Variants in NOTCH3 observed in about 807,000 individuals in gnomAD.
NOTCH3 encodes notch receptor 3.
A neutral mutation model predicts 213.3 loss-of-function variants in NOTCH3; 86 were observed. That is an observed-to-expected ratio of 0.40 (90% confidence interval 0.34 to 0.48). NOTCH3 has a LOEUF of 0.48. NOTCH3 is among the 20% of genes least tolerant of loss of function. The pLI, the probability that NOTCH3 is intolerant of heterozygous loss-of-function variation, is 0.57. For synonymous variants in NOTCH3, 1,354 were observed against 1,355.9 expected (o/e 1.00, Z 0.03); for missense variants, 2,783 against 3,272.6 (o/e 0.85, Z 3.65).
chr19:15,165,836 C>A lies in NOTCH3; in HGVS notation c.5618G>T (p.Arg1873Leu), dbSNP rs780169747. 1 of 1,613,720 alleles carries A rather than the reference C, an allele frequency of 6.2e-7. No homozygotes were observed. Among genetic ancestry groups the A allele is most frequent in the Non-Finnish European group, 8.5e-7 (1 of 1,180,012 alleles). Residue 1873 changes from arginine (R) to leucine (L), a missense_variant, in exon 30 of 33, where the codon CGC (arginine) becomes CTC (leucine). By Grantham distance (102) the Arg-to-Leu change is moderately radical (BLOSUM62 -2). Coordinates refer to ENST00000263388, the MANE Select transcript of NOTCH3 (RefSeq NM_000435.3). This position sits in a 1 kb window ranked among gnomAD's most constrained non-coding sequence, Gnocchi z 4.7. ...ADTNAQDHSG[R>L]TPLHTAVTAD... ...TGTGACAGCTGTGTGCAGGGGAGTGCGGCCTGAGTGGTCCTGGGCATTGGT... is the reference window on the plus strand; with the variant it reads ...TGTGACAGCTGTGTGCAGGGGAGTGAGGCCTGAGTGGTCCTGGGCATTGGT...
intron 2 of NOTCH3, 60 bp downstream of exon 2, chr19:15,197,440 C>CGGGGGGG: frequency 2.4e-5 from 19 of 800,690 alleles, no homozygotes; most frequent in Non-Finnish European, 3.9e-5. Context: ...GAAGACAAAT[C>CGGGGGGG]GCCCCTCCCC....
intron 2 of NOTCH3, 40 bp downstream of exon 2, chr19:15,197,454 GCCCCCA>G: frequency 2.1e-6 from 1 of 476,654 alleles, no homozygotes; most frequent in Non-Finnish European, 4.0e-6. Context: ...CCTCCCCCCC[GCCCCCA>G]CACACAGGGC....
chr19:15,167,083 T>C (rs1451711122), intron 29 of NOTCH3, among the ~76,000 whole-genome samples, 166 bp downstream of exon 29: 1 of 152,256 alleles, frequency 6.6e-6, no homozygotes, highest in African/African-American at 2.4e-5. Flanking sequence ...TAAGCTAGTC[T>C]GAGTTGGACC....
In NOTCH3 at chr19:15,161,034, T is replaced by C; in HGVS notation, c.6594A>G (p.Pro2198=). The part of the protein sequence containing the change: ...PLAPGPQLLN[P]GTPVSPQERP... ...GCTCCTGCGGGGAGACGGGGGTCCC[T>C]GGGTTGAGCAGCTGGGGTCCCGGCG... Residue 2198 remains proline (P), a synonymous_variant, in exon 33 of 33, where the codon CCA becomes CCG. Coordinates refer to ENST00000263388, the MANE Select transcript of NOTCH3 (RefSeq NM_000435.3). The C allele has an allele frequency of 6.5e-7, 1 of 1,536,348 alleles. No individual in the cohort carries two copies. Among genetic ancestry groups the C allele is most frequent in the Non-Finnish European group, 8.7e-7 (1 of 1,143,174 alleles).
chr19:15,167,487 G>A, intron 28 of NOTCH3, 76 bp from the exon 29 acceptor site: 1 of 1,403,436 alleles, frequency 7.1e-7, no homozygotes, highest in Non-Finnish European at 9.9e-7. Flanking sequence ...GATGGGGCTG[G>A]GCATTCCTAC....
At chr19:15,194,965 A>G (rs2046958194) in intron 2 of NOTCH3, among the ~76,000 whole-genome samples, 1 of 151,782 alleles carries the variant, frequency 6.6e-6, no homozygotes, top group Non-Finnish European at 1.5e-5. Flanking sequence ...CTCAAAAAAA[A>G]AAAAAAAAAG....
At position 15,185,269 on chromosome 19, in the gene NOTCH3, G is replaced by C. The variant is rs772155427; in HGVS notation, c.2284C>G (p.Pro762Ala). 1 of 1,613,188 alleles carries C rather than the reference G, an allele frequency of 6.2e-7. No homozygotes were observed. The highest frequency in any genetic ancestry group is 1.1e-5 in the South Asian group (1 of 91,088). The change falls in exon 14 of 33, where the codon CCT (proline) becomes GCT (alanine). Residue 762 changes from proline to alanine, a missense_variant. Coordinates refer to ENST00000263388, the MANE Select transcript of NOTCH3 (RefSeq NM_000435.3). This position sits in a 1 kb window ranked among gnomAD's most constrained non-coding sequence, Gnocchi z 4.2. ...GTGAGGTACACACCCTGGACACCAG[G>C]CGGGCAGGTGCAGTGGAAACCCATT... ...DGMGFHCTCP[P>A]GVQGRQCELL...
At position 15,192,040 on chromosome 19, in the gene NOTCH3, G is replaced by A; in HGVS notation, c.599C>T (p.Pro200Leu). The stretch of plus-strand genomic sequence containing the variant: ...GTTACGGCATGGTGAGGGTGCACAG[G>A]GCACCGCGGGGTTCTCACATAGTGG... Reference protein sequence around the residue: ...TGPLCENPAVPCAPSPCRNGG... With the variant: ...TGPLCENPAVLCAPSPCRNGG... The change falls in exon 4 of 33, where the codon CCC (proline) becomes CTC (leucine). Residue 200 changes from proline to leucine, a missense_variant. Pro to Leu is a moderately conservative substitution (Grantham distance 98). Transcript: ENST00000263388. 1 of 1,613,114 alleles carries A rather than the reference G, an allele frequency of 6.2e-7. No homozygotes were observed.
In NOTCH3 at chr19:15,159,782, C is replaced by T. The variant is rs957218011; in HGVS notation, c.*880G>A. The T allele has an allele frequency of 2.1e-5, 5 of 233,390 alleles. No individual in the cohort carries two copies. The highest frequency in any genetic ancestry group is 4.2e-5 in the Non-Finnish European group (5 of 118,012). 14.5% of individuals were successfully genotyped at this position (233,390 alleles called of 1,614,324 possible). A position where few individuals can be genotyped will look rare whatever the true frequency, so the allele number is the denominator to read the frequency against. On this transcript the variant is annotated 3_prime_UTR_variant, in exon 33 of 33. Coordinates refer to ENST00000263388, the MANE Select transcript of NOTCH3 (RefSeq NM_000435.3). ...CCTCTATTCTGCCATGAGGCTGGGC[C>T]AGAGGATTACCAGGAAGAGAAAGTA...
intron 17 of NOTCH3, 134 bp downstream of exon 17, chr19:15,181,442 C>T: frequency 1.3e-6 from 1 of 760,532 alleles, no homozygotes. Context: ...TGGCCCTGCC[C>T]CATCAGTCAT....
rs2046870898 is a variant in NOTCH3, at chr19:15,185,175, G to A, written c.2296+82C>T. On this transcript the variant is annotated intron_variant, in intron 14 of 32. Transcript: ENST00000263388. This position sits in a 1 kb window ranked among gnomAD's most constrained non-coding sequence, Gnocchi z 4.2. The stretch of plus-strand genomic sequence containing the variant: ...TGAAAGCAAAAAAGAAGCTAACATA[G>A]CGGGAGGAGAGAGTAGAGGAGAAGA... The A allele has an allele frequency of 9.1e-6, 14 of 1,544,498 alleles. No homozygotes were observed. Among genetic ancestry groups the A allele is most frequent in the Non-Finnish European group, 1.2e-5 (13 of 1,120,672 alleles).
Position 15,159,555 on chromosome 19 carries a change from CAAGTTAGCCCT to C in NOTCH3, c.*1096_*1106del, listed in dbSNP as rs1310460152. On this transcript the variant is annotated 3_prime_UTR_variant, in exon 33 of 33. Coordinates refer to ENST00000263388, the MANE Select transcript of NOTCH3 (RefSeq NM_000435.3). ...ATGTATTTACCCCAAGATGGGAGCTCAAGTTAGCCCTGGGTGGGGGAGATAGAAGTCCCACT... is the reference window on the plus strand; with the variant it reads ...ATGTATTTACCCCAAGATGGGAGCTCGGGTGGGGGAGATAGAAGTCCCACT... The C allele has an allele frequency of 4.7e-6, 1 of 214,266 alleles. No individual in the cohort carries two copies. The highest frequency in any genetic ancestry group is 9.4e-6 in the Non-Finnish European group (1 of 106,142). The allele number at this position is 214,266 out of a possible 1,614,324, so 13.3% of individuals were successfully genotyped here.
rs760917811 is a variant in NOTCH3 at position 15,161,426 on chromosome 19, CG to C, written c.6201del (p.Lys2069ArgfsTer16). On this transcript the variant is annotated frameshift_variant, in exon 33 of 33. Transcript: ENST00000263388. LOFTEE classifies it low-confidence loss of function (END_TRUNC). ...CCCTGCGGCCCCAGCCCCGCCTTCC[CG>C]GGGGGCCTCCTGCTCTTCTTGGACC... ...QSGSKKSRRP[P>X]GKAGLGPQGP... 2 of 1,533,974 alleles carry C rather than the reference CG, an allele frequency of 1.3e-6. No individual in the cohort carries two copies. Among genetic ancestry groups the C allele is most frequent in the South Asian group, 1.2e-5 (1 of 83,136 alleles).
chr19:15,160,394 G>A lies in NOTCH3; in HGVS notation c.*268C>T. 1 of 513,830 alleles carries A rather than the reference G, an allele frequency of 1.9e-6. No homozygotes were observed. Among genetic ancestry groups the A allele is most frequent in the South Asian group, 2.6e-5 (1 of 38,932 alleles). The allele number at this position is 513,830 out of a possible 1,614,324, so 31.8% of individuals were successfully genotyped here. A position where few individuals can be genotyped will look rare whatever the true frequency, so the allele number is the denominator to read the frequency against. ...AGGCCAGAAGGAGAGAGAAAGGAAT[G>A]AGGGAAGAGAGAAGTGGGGAAGAAG... On this transcript the variant is annotated 3_prime_UTR_variant, in exon 33 of 33. Transcript: ENST00000263388.
intron 9 of NOTCH3, 37 bp downstream of exon 9, chr19:15,188,198 A>C: frequency 1.3e-6 from 2 of 1,485,550 alleles, no homozygotes; most frequent in Non-Finnish European, 1.8e-6. Flanking sequence ...CCCTTCCCAG[A>C]CATGTCTTTT....
rs770737365 is a variant in NOTCH3, at chr19:15,185,580, G to A, written c.2051C>T (p.Pro684Leu). 3.2e-5 allele frequency: 51 copies of A among 1,613,562 alleles called. No homozygotes were observed. The highest frequency in any genetic ancestry group is 2.0e-4 in the East Asian group (9 of 44,898). ...DGENGFRCLC[P>L]PGSLPPLCLP... ...GCAGAGTGGGGGCAAGGAGCCAGGC[G>A]GGCAGAGGCAGCGGAAGCCATTTTC... The change falls in exon 13 of 33, where the codon CCG (proline) becomes CTG (leucine). Residue 684 changes from proline to leucine, a missense_variant. Coordinates refer to ENST00000263388, the MANE Select transcript of NOTCH3 (RefSeq NM_000435.3). This position sits in a 1 kb window ranked among gnomAD's most constrained non-coding sequence, Gnocchi z 4.2.
Position 15,161,316 on chromosome 19 carries a change from C to G in NOTCH3, c.6312G>C (p.Ser2104=). 3 of 1,527,078 alleles carry G rather than the reference C, an allele frequency of 2.0e-6. No homozygotes were observed. The highest frequency in any genetic ancestry group is 2.5e-5 in the South Asian group (2 of 81,124). 94.6% of individuals were successfully genotyped at this position (1,527,078 alleles called of 1,614,324 possible). ...DSSVTLSPVD[S]LDSPRPFGGP... is the part of the protein sequence containing the mutation. ...CACCGAAAGGCCGCGGGGAGTCCAGCGAGTCCACGGGCGACAGCGTGACCG... is the reference window on the plus strand; with the variant it reads ...CACCGAAAGGCCGCGGGGAGTCCAGGGAGTCCACGGGCGACAGCGTGACCG... The change falls in exon 33 of 33, where the codon TCG becomes TCC. Residue 2104 remains serine (S), a synonymous_variant. Coordinates refer to ENST00000263388, the MANE Select transcript of NOTCH3 (RefSeq NM_000435.3).
chr19:15,186,591 G>C (rs2046883715), intron 12 of NOTCH3, among the ~76,000 whole-genome samples: 3 of 152,140 alleles, frequency 2.0e-5, no homozygotes, highest in Admixed American at 2.0e-4. Context: ...TTTTAGTAGA[G>C]ATGGGGCTTC....
In NOTCH3 at chr19:15,191,808, T is replaced by C; in HGVS notation, c.739A>G (p.Asn247Asp). The change falls in exon 5 of 33, where the codon AAT becomes GAT. Residue 247 changes from asparagine to aspartate, a missense_variant. Asn to Asp is a conservative substitution (Grantham distance 23). This residue lies in a region of NOTCH3 where 708 missense variants were observed against 906.6 expected (regional missense o/e 0.78). Coordinates refer to ENST00000263388, the MANE Select transcript of NOTCH3 (RefSeq NM_000435.3). Reference protein sequence around the residue: ...VDDCPGHRCLNGGTCVDGVNT... With the variant: ...VDDCPGHRCLDGGTCVDGVNT... ...ACGCCATCCACGCATGTCCCCCCAT[T>C]GAGACATCGGTGTCCTGGACAGTCG... 1.2e-6 allele frequency: 2 copies of C among 1,609,114 alleles called. No individual in the cohort carries two copies. Among genetic ancestry groups the C allele is most frequent in the Non-Finnish European group, 1.7e-6 (2 of 1,175,616 alleles).
Sources: allele counts gnomAD v4.1 joint callset (sites outside exome capture counted in the v4.1 genomes callset), GRCh38; gene constraint gnomAD v4.1.1; regional missense constraint gnomAD v4.1.1; non-coding constraint Gnocchi (gnomAD v3.1); transcripts MANE v1.5; gene names NCBI Gene and HGNC (gene_info 2026-07-23, HGNC 2026-07-21).